COL25A1: variants seen among roughly 807,000 people sequenced by gnomAD.
The protein encoded by COL25A1 is collagen alpha-1(XXV) chain.
Under a neutral mutation model 128.4 loss-of-function variants are expected in COL25A1, and 103 were observed. The observed-to-expected ratio is 0.80, with a 90% CI of 0.68 to 0.94. The LOEUF is 0.94. Ranked by LOEUF, COL25A1 falls within the 40% of genes least tolerant of loss-of-function variation. The pLI is 0.00. For synonymous variants in COL25A1, 279 were observed against 277.2 expected (o/e 1.01, Z -0.06); for missense variants, 745 against 840.0 (o/e 0.89, Z 1.40).
In COL25A1 at chr4:108,896,948, T is replaced by G. The variant is rs151210097; in HGVS notation, c.862-237A>C. On this transcript the variant is annotated intron_variant, in intron 15 of 37. Transcript: ENST00000399132. ...TTCCACAGTATTAACAGAAAACACTTATCTGTCTTCCAATGCCTTATTTGG... is the reference window on the plus strand; with the variant it reads ...TTCCACAGTATTAACAGAAAACACTGATCTGTCTTCCAATGCCTTATTTGG... 1.2e-4 allele frequency among the ~76,000 whole-genome samples: 18 copies of G among 152,322 alleles called. No homozygotes were observed. In the East Asian group the frequency reaches 3.5e-3, roughly 29 times the overall value.
chr4:108,933,427 A>G (rs551711171), intron 11 of COL25A1, among the ~76,000 whole-genome samples: 1 of 152,230 alleles, frequency 6.6e-6, no homozygotes, highest in African/African-American at 2.4e-5. Flanking sequence ...TGAAAAATTA[A>G]TAATGTAAGA....
intron 3 of COL25A1, among the ~76,000 whole-genome samples, chr4:109,142,444 A>C (rs1450066131): frequency 6.6e-6 from 1 of 152,202 alleles, no homozygotes; most frequent in Non-Finnish European, 1.5e-5. Context: ...TGCTTGGTCC[A>C]GAGCTGAGTT....
At chr4:108,869,804 A>G (rs1327228907) in intron 19 of COL25A1, among the ~76,000 whole-genome samples, 2 of 152,146 alleles carry the variant, frequency 1.3e-5, no homozygotes, top group Non-Finnish European at 2.9e-5. Flanking sequence ...CTTTGTTCTC[A>G]GTTCCTGTTT....
intron 5 of COL25A1, among the ~76,000 whole-genome samples, chr4:109,031,831 C>G (rs1758896371): frequency 6.6e-6 from 1 of 152,150 alleles, no homozygotes; most frequent in South Asian, 2.1e-4. Context: ...TCCTCCCACT[C>G]ATTCACTTCT....
chr4:109,001,413 T>TGAGGTAGGCATCTGAGATCCTGA (rs1755392091), intron 6 of COL25A1, among the ~76,000 whole-genome samples: 1 of 152,244 alleles, frequency 6.6e-6, no homozygotes, highest in Non-Finnish European at 1.5e-5. Context: ...TGAGATCCTG[T>TGAGGTAGGCATCTGAGATCCTGA]CAGGTAGGCA....
At chr4:108,825,065 C>T in intron 34 of COL25A1, 131 bp downstream of exon 34, 1 of 625,718 alleles carries the variant, frequency 1.6e-6, no homozygotes, top group Non-Finnish European at 2.7e-6. Context: ...TTGCTGTTTA[C>T]ATGCACAGCA....
intron 3 of COL25A1, among the ~76,000 whole-genome samples, chr4:109,197,135 T>C (rs1347618996): frequency 1.3e-5 from 2 of 151,072 alleles, no homozygotes; most frequent in African/African-American, 2.4e-5. Flanking sequence ...CTGAGGAACA[T>C]AGCAAGGCCT....
In COL25A1 at chr4:109,200,728, A is replaced by G. The variant is rs541800328; in HGVS notation, c.367+99855T>C. Reference sequence around the variant, plus strand: ...TGGCCTCCCAAAGTGCTGGGATTACAGGCGTGAGCCACTGCACCCGGCCTC... The same window carrying G: ...TGGCCTCCCAAAGTGCTGGGATTACGGGCGTGAGCCACTGCACCCGGCCTC... On this transcript the variant is annotated intron_variant, in intron 3 of 37. Coordinates refer to ENST00000399132, the MANE Select transcript of COL25A1 (RefSeq NM_198721.4). Among the ~76,000 whole-genome samples, 51 of 152,310 alleles carry G rather than the reference A, an allele frequency of 3.3e-4. 1 individual carries two copies. The South Asian group carries it at 9.7e-3, about 29-fold the overall frequency.
At position 109,197,441 on chromosome 4, in the gene COL25A1, T is replaced by A. The variant is rs559467251; in HGVS notation, c.367+103142A>T. ...ATATATTATATATAAATATTATATATTATATATATTATATATAAATATTAT... is the reference window on the plus strand; with the variant it reads ...ATATATTATATATAAATATTATATAATATATATATTATATATAAATATTAT... On this transcript the variant is annotated intron_variant, in intron 3 of 37. Transcript: ENST00000399132. Among the ~76,000 whole-genome samples, 554 of 123,454 alleles carry A rather than the reference T, an allele frequency of 4.5e-3. 3 individuals are homozygous for A. Among genetic ancestry groups the A allele is most frequent in the African/African-American group, 0.016 (513 of 32,768 alleles). 81.0% of individuals were successfully genotyped at this position (123,454 alleles called of 152,430 possible).
In COL25A1 at chr4:109,282,335, T is replaced by C. The variant is rs137934215; in HGVS notation, c.367+18248A>G. Among the ~76,000 whole-genome samples, 822 of 152,294 alleles carry C rather than the reference T, an allele frequency of 5.4e-3. 6 individuals are homozygous for C. The highest frequency in any genetic ancestry group is 7.5e-3 in the Non-Finnish European group (508 of 68,012). On this transcript the variant is annotated intron_variant, in intron 3 of 37. Transcript: ENST00000399132. ...GACAAAACATCAAGAGTGATTATTA[T>C]TAACAAAGATACTCCTTTGATCTTA... is the stretch of plus-strand genomic sequence containing the variant.
At chr4:108,843,813 T>A (rs1308840197) in intron 30 of COL25A1, among the ~76,000 whole-genome samples, 1 of 152,172 alleles carries the variant, frequency 6.6e-6, no homozygotes, top group Admixed American at 6.5e-5. Context: ...TATACATAAA[T>A]GTTCCTATTG....
intron 3 of COL25A1, among the ~76,000 whole-genome samples, chr4:109,220,475 T>C (rs1402703065): frequency 6.6e-6 from 1 of 152,180 alleles, no homozygotes; most frequent in Non-Finnish European, 1.5e-5. Flanking sequence ...GGTTCCCCCA[T>C]GGAATGCAGG....
At chr4:108,985,569 C>A (rs1439903524) in intron 6 of COL25A1, among the ~76,000 whole-genome samples, 3 of 152,146 alleles carry the variant, frequency 2.0e-5, no homozygotes, top group African/African-American at 7.2e-5. Context: ...GGGGACATTT[C>A]TTTCCATTAG....
chr4:109,068,531 AAAG>A, intron 3 of COL25A1, among the ~76,000 whole-genome samples: 1 of 152,296 alleles, frequency 6.6e-6, no homozygotes, highest in Admixed American at 6.5e-5. Flanking sequence ...TCAGTTTGTC[AAAG>A]GAAGTTTACT....
chr4:109,091,678 T>G (rs2126009216), intron 3 of COL25A1, among the ~76,000 whole-genome samples: 1 of 152,128 alleles, frequency 6.6e-6, no homozygotes, highest in Non-Finnish European at 1.5e-5. Flanking sequence ...TTCTTCCCTT[T>G]CTGCTTACTA....
chr4:108,986,533 T>C (rs543709845), intron 6 of COL25A1, among the ~76,000 whole-genome samples: 86 of 152,268 alleles, frequency 5.6e-4, no homozygotes, highest in African/African-American at 2.0e-3. Context: ...ACAAGTTAAA[T>C]AATACCAAAA....
At chr4:109,295,594 A>G (rs1048648746) in intron 3 of COL25A1, among the ~76,000 whole-genome samples, 1 of 152,120 alleles carries the variant, frequency 6.6e-6, no homozygotes, top group Admixed American at 6.6e-5. Flanking sequence ...AACATATAGC[A>G]TAAGTGAAAA....
chr4:109,091,309 C>T (rs892209496), intron 3 of COL25A1, among the ~76,000 whole-genome samples: 7 of 152,188 alleles, frequency 4.6e-5, no homozygotes, highest in South Asian at 2.1e-4. Context: ...ACCCTCTTCT[C>T]CCCTTTTTGT....
intron 5 of COL25A1, among the ~76,000 whole-genome samples, chr4:109,025,498 G>A (rs538058064): frequency 6.6e-6 from 1 of 152,278 alleles, no homozygotes; most frequent in Non-Finnish European, 1.5e-5. Context: ...TGTGCACAAA[G>A]ACAGACTTGA....
Sources: gnomAD v4.1 joint callset for allele counts (sites outside exome capture counted in the v4.1 genomes callset) on GRCh38, gnomAD v4.1.1 for gene constraint, MANE v1.5 for transcripts, NCBI Gene and HGNC (gene_info 2026-07-23, HGNC 2026-07-21) for gene names.